Variants in STMND1 observed in about 807,000 individuals in gnomAD.
The protein encoded by STMND1 is stathmin domain containing 1, also known as stathmin domain-containing protein 1.
STMND1 carries 17 observed loss-of-function variants against 23.0 expected under a neutral mutation model. That is an observed-to-expected ratio of 0.74 (90% CI 0.51 to 1.11). The LOEUF (loss-of-function observed/expected upper bound fraction) is 1.11. Among genes scored for constraint, STMND1 ranks in the 50% least tolerant of loss-of-function variants. The pLI is 0.00. For synonymous variants in STMND1, 114 were observed against 119.9 expected, an observed-to-expected ratio of 0.95 and a Z score of 0.32; for missense variants, 305 against 329.1, an observed-to-expected ratio of 0.93 and a Z score of 0.57.
At chr6:17,113,275 A>G (rs1761117136) in intron 1 of STMND1, among the ~76,000 whole-genome samples, 1 of 152,222 alleles carries the variant, frequency 6.6e-6, no homozygotes, top group Non-Finnish European at 1.5e-5. Context: ...ACAGTCATGA[A>G]GGCTGGCTAG....
At chr6:17,125,390 A>G (rs1761282482) in intron 3 of STMND1, among the ~76,000 whole-genome samples, 1 of 152,172 alleles carries the variant, frequency 6.6e-6, no homozygotes, top group Admixed American at 6.5e-5. Flanking sequence ...CATAGGTATT[A>G]TTGAGTTCGT....
At chr6:17,113,600 T>G (rs538365560) in intron 1 of STMND1, among the ~76,000 whole-genome samples, 1 of 152,196 alleles carries the variant, frequency 6.6e-6, no homozygotes, top group East Asian at 1.9e-4. Context: ...CTCTTTTATA[T>G]TATGTAATTA....
In STMND1 at chr6:17,131,189, G is replaced by T. The variant is rs778060333; in HGVS notation, c.*308G>T. ...AAGTGCCTTCAGTTTACATTAATAAGTTCGTGCCAAATGAAATCCTTCCTG... is the reference window on the plus strand; with the variant it reads ...AAGTGCCTTCAGTTTACATTAATAATTTCGTGCCAAATGAAATCCTTCCTG... On this transcript the variant is annotated 3_prime_UTR_variant, in exon 5 of 5. Coordinates refer to ENST00000536551, the MANE Select transcript of STMND1 (RefSeq NM_001190766.2). 3.5e-5 allele frequency: 9 copies of T among 257,924 alleles called. No homozygotes were observed. Among genetic ancestry groups the T allele is most frequent in the Admixed American group, 5.1e-5 (1 of 19,434 alleles). 16.0% of individuals were successfully genotyped at this position (257,924 alleles called of 1,614,324 possible). A position where few individuals can be genotyped will look rare whatever the true frequency, so the allele number is the denominator to read the frequency against.
intron 2 of STMND1, among the ~76,000 whole-genome samples, chr6:17,115,482 A>G (rs1420441223): frequency 6.6e-6 from 1 of 152,182 alleles, no homozygotes. Context: ...CACGATGATA[A>G]CATCTTTCCA....
chr6:17,107,742 A>G (rs1282399231), intron 1 of STMND1, among the ~76,000 whole-genome samples: 2 of 152,138 alleles, frequency 1.3e-5, no homozygotes, highest in Non-Finnish European at 2.9e-5. Flanking sequence ...GAATACAAGT[A>G]TGAGCCATCA....
chr6:17,114,475 AG>A (rs535657049), intron 1 of STMND1, among the ~76,000 whole-genome samples: 196 of 152,296 alleles, frequency 1.3e-3, no homozygotes, highest in Non-Finnish European at 2.4e-3. Context: ...CATGTTGGGC[AG>A]GCTGGTCTTG....
At position 17,114,949 on chromosome 6, in the gene STMND1, TC is replaced by T. The variant is rs1383129463; in HGVS notation, c.82-10del. 5 of 1,501,870 alleles carry T rather than the reference TC, an allele frequency of 3.3e-6. No homozygotes were observed. The highest frequency in any genetic ancestry group is 2.3e-5 in the Admixed American group (1 of 42,660). The allele number at this position is 1,501,870 out of a possible 1,614,324, so 93.0% of individuals were successfully genotyped here. On this transcript the variant is annotated splice_polypyrimidine_tract_variant and intron_variant, in intron 1 of 4. Transcript: ENST00000536551. ...GAAATCTTGACTCTAACAAAACTGT[TC>T]CCTTTTCACAGGCTGATGTCAGTGT... is the stretch of plus-strand genomic sequence containing the variant.
chr6:17,124,678 T>C (rs1761273286), intron 3 of STMND1, among the ~76,000 whole-genome samples: 1 of 152,198 alleles, frequency 6.6e-6, no homozygotes, highest in Non-Finnish European at 1.5e-5. Flanking sequence ...GAGATGTTTA[T>C]GCGAGAATAT....
At chr6:17,121,863 AT>A (rs11331622) in intron 3 of STMND1, among the ~76,000 whole-genome samples, 30,114 of 141,856 alleles carry the variant, frequency 0.21, 2,802 homozygotes, top group Middle Eastern at 0.33. Context: ...AGAGTTCTAA[AT>A]TTTTTTTTTT....
chr6:17,124,859 C>T (rs976678755), intron 3 of STMND1, among the ~76,000 whole-genome samples: 1 of 150,812 alleles, frequency 6.6e-6, no homozygotes, highest in African/African-American at 2.4e-5. Flanking sequence ...ATTAGCTGGG[C>T]ATGGTGGTGT....
intron 1 of STMND1, among the ~76,000 whole-genome samples, chr6:17,109,082 A>G (rs1468526445): frequency 6.6e-6 from 1 of 152,180 alleles, no homozygotes; most frequent in African/African-American, 2.4e-5. Flanking sequence ...TGCTTACTCT[A>G]CAGGGACAAG....
In STMND1 at chr6:17,131,051, T is replaced by C. The variant is rs563883823; in HGVS notation, c.*170T>C. The C allele has an allele frequency of 1.8e-6, 1 of 561,714 alleles. No homozygotes were observed. The highest frequency in any genetic ancestry group is 3.5e-5 in the Admixed American group (1 of 28,594). The allele number at this position is 561,714 out of a possible 1,614,324, so 34.8% of individuals were successfully genotyped here. A position where few individuals can be genotyped will look rare whatever the true frequency, so the allele number is the denominator to read the frequency against. On this transcript the variant is annotated 3_prime_UTR_variant, in exon 5 of 5. Coordinates refer to ENST00000536551, the MANE Select transcript of STMND1 (RefSeq NM_001190766.2). ...CTGAAGGTTAGTTGAGTAAATTAAG[T>C]AGCTATGCTAGCTTTTAAAAAAAGA...
At position 17,130,892 on chromosome 6, in the gene STMND1, G is replaced by C. The variant is rs1357930830; in HGVS notation, c.*11G>C. On this transcript the variant is annotated 3_prime_UTR_variant, in exon 5 of 5. Transcript: ENST00000536551. ...GACATAGTCTACTAAGCCATTTTTT[G>C]TGAATTTCATAAGAAAGCATTCATT... 6.7e-7 allele frequency: 1 copy of C among 1,493,346 alleles called. No individual in the cohort carries two copies. Among genetic ancestry groups the C allele is most frequent in the African/African-American group, 1.4e-5 (1 of 71,668 alleles). The allele number at this position is 1,493,346 out of a possible 1,614,324, so 92.5% of individuals were successfully genotyped here. A position where few individuals can be genotyped will look rare whatever the true frequency, so the allele number is the denominator to read the frequency against.
Position 17,130,781 on chromosome 6 carries a change from A to G in STMND1, c.731A>G (p.Lys244Arg). The G allele has an allele frequency of 6.5e-7, 1 of 1,536,008 alleles. No individual in the cohort carries two copies. The highest frequency in any genetic ancestry group is 8.7e-7 in the Non-Finnish European group (1 of 1,146,892). Residue 244 changes from lysine to arginine, a missense_variant, in exon 5 of 5, where the codon AAA (lysine) becomes AGA (arginine). Lys to Arg is a conservative substitution (Grantham distance 26). Transcript: ENST00000536551. ...AAACCATTGAAGAGGAAGAAGAGTA[A>G]ATGTGATGCAACCTTGATTGATAGA... ...GGKPLKRKKS[K>R]CDATLIDRNE...
At chr6:17,111,822 G>T (rs1442575581) in intron 1 of STMND1, among the ~76,000 whole-genome samples, 1 of 152,146 alleles carries the variant, frequency 6.6e-6, no homozygotes, top group Non-Finnish European at 1.5e-5. Flanking sequence ...CCAAGATCAA[G>T]GCAATGGAAG....
At chr6:17,120,824 A>C in intron 3 of STMND1, 66 bp downstream of exon 3, 1 of 1,280,806 alleles carries the variant, frequency 7.8e-7, no homozygotes, top group Non-Finnish European at 1.1e-6. Context: ...ATTGATCATG[A>C]GTCATTATTT....
chr6:17,109,916 G>C (rs1761075149), intron 1 of STMND1, among the ~76,000 whole-genome samples: 1 of 152,146 alleles, frequency 6.6e-6, no homozygotes, highest in Non-Finnish European at 1.5e-5. Flanking sequence ...CAGGATTCCT[G>C]TCGCATTCAA....
chr6:17,116,686 T>C (rs918710637), intron 2 of STMND1, among the ~76,000 whole-genome samples: 1 of 152,124 alleles, frequency 6.6e-6, no homozygotes, highest in Non-Finnish European at 1.5e-5. Context: ...GTGATCCACC[T>C]GCCTCAGCCT....
At chr6:17,104,657 T>A (rs1359511835) in intron 1 of STMND1, among the ~76,000 whole-genome samples, 1 of 152,148 alleles carries the variant, frequency 6.6e-6, no homozygotes, top group Non-Finnish European at 1.5e-5. Context: ...ACACCTGACC[T>A]CCTCCTCTAA....
Sources: allele counts gnomAD v4.1 joint callset (sites outside exome capture counted in the v4.1 genomes callset), GRCh38; gene constraint gnomAD v4.1.1; transcripts MANE v1.5; gene names NCBI Gene and HGNC (gene_info 2026-07-23, HGNC 2026-07-21).